Variants in NOX3 observed in about 807,000 individuals in gnomAD.
NOX3 encodes the protein NADPH oxidase catalytic subunit-like 3.
NOX3 carries 74 observed loss-of-function variants against 76.7 expected under a neutral mutation model. The observed-to-expected ratio is 0.96, with a 90% CI of 0.80 to 1.17. The LOEUF (loss-of-function observed/expected upper bound fraction) is 1.17, where lower values mean the gene tolerates loss of function less well. Ranked by LOEUF, NOX3 falls within the 50% of genes most tolerant of loss-of-function variation. NOX3 has a pLI of 0.00. For missense variants in NOX3, 695 were observed against 703.3 expected (o/e 0.99, Z 0.13); for synonymous variants, 263 against 261.1 (o/e 1.01, Z -0.07).
At chr6:155,416,909 C>T (rs534434329) in intron 10 of NOX3, among the ~76,000 whole-genome samples, 1 of 152,008 alleles carries the variant, frequency 6.6e-6, no homozygotes, top group East Asian at 1.9e-4. Flanking sequence ...TGACACCACG[C>T]CCGGCTAATT....
intron 10 of NOX3, among the ~76,000 whole-genome samples, chr6:155,414,323 A>G (rs1156460123): frequency 6.6e-6 from 1 of 152,216 alleles, no homozygotes; most frequent in African/African-American, 2.4e-5. Context: ...GACCTGGTCA[A>G]TGAGAGACCA....
intron 5 of NOX3, among the ~76,000 whole-genome samples, chr6:155,440,851 T>C (rs1332266636): frequency 1.9e-5 from 2 of 106,972 alleles, no homozygotes; most frequent in African/African-American, 3.9e-5. Flanking sequence ...AATAAACACA[T>C]TTTTTTGAGA....
At chr6:155,429,920 C>T (rs903944875) in intron 8 of NOX3, among the ~76,000 whole-genome samples, 1 of 152,186 alleles carries the variant, frequency 6.6e-6, no homozygotes, top group Non-Finnish European at 1.5e-5. Context: ...TGGTCTCCCT[C>T]GTAACAGCTC....
intron 4 of NOX3, among the ~76,000 whole-genome samples, chr6:155,450,619 G>C: frequency 6.6e-6 from 1 of 152,198 alleles, no homozygotes; most frequent in East Asian, 1.9e-4. Context: ...ACCCCTCAGA[G>C]GCTGCGCTGG....
intron 10 of NOX3, among the ~76,000 whole-genome samples, chr6:155,422,440 A>G (rs1329236629): frequency 2.0e-5 from 3 of 152,202 alleles, no homozygotes; most frequent in African/African-American, 7.2e-5. Flanking sequence ...TTTTACTGAG[A>G]TGAGCAATTA....
At chr6:155,426,657 A>G (rs1306229593) in intron 9 of NOX3, among the ~76,000 whole-genome samples, 4 of 152,108 alleles carry the variant, frequency 2.6e-5, no homozygotes, top group Non-Finnish European at 4.4e-5. Flanking sequence ...GTGTGTGTGA[A>G]CAACAAGAAA....
At chr6:155,448,314 T>C (rs1264112159) in intron 4 of NOX3, among the ~76,000 whole-genome samples, 1 of 152,170 alleles carries the variant, frequency 6.6e-6, no homozygotes, top group Non-Finnish European at 1.5e-5. Context: ...GTTTTCATGT[T>C]TCCAAAGCCA....
At chr6:155,453,558 A>G in intron 3 of NOX3, 70 bp from the exon 4 acceptor site, 5 of 1,234,378 alleles carry the variant, frequency 4.1e-6, no homozygotes, top group Non-Finnish European at 6.0e-6. Context: ...GAAAGTTAAG[A>G]GAGTAGGAAT....
chr6:155,443,501 C>T, intron 4 of NOX3, 83 bp from the exon 5 acceptor site: 6 of 1,477,464 alleles, frequency 4.1e-6, no homozygotes, highest in Non-Finnish European at 4.6e-6. Flanking sequence ...TCTCTGTGCT[C>T]AAGTTTCTCT....
At chr6:155,441,662 T>A (rs1048614891) in intron 5 of NOX3, among the ~76,000 whole-genome samples, 5 of 152,228 alleles carry the variant, frequency 3.3e-5, no homozygotes, top group Admixed American at 6.5e-5. Context: ...GCTTCTAAAA[T>A]TTTGAAATTA....
Position 155,413,144 on chromosome 6 carries a change from C to T in NOX3, c.1309-1784G>A, listed in dbSNP as rs934586907. Reference sequence around the variant, plus strand: ...AATGGATGGACATGAACCATCAATTCGTGGAGATTCATGTCCCCTCTTCAT... The same window carrying T: ...AATGGATGGACATGAACCATCAATTTGTGGAGATTCATGTCCCCTCTTCAT... On this transcript the variant is annotated intron_variant, in intron 10 of 13. Coordinates refer to ENST00000159060, the MANE Select transcript of NOX3 (RefSeq NM_015718.3). Among the ~76,000 whole-genome samples the T allele has an allele frequency of 2.6e-5, 4 of 152,026 alleles. No individual in the cohort carries two copies. In the East Asian group the frequency reaches 5.8e-4, roughly 22 times the overall value.
At chr6:155,431,878 T>C (rs1384571104) in intron 7 of NOX3, among the ~76,000 whole-genome samples, 2 of 152,192 alleles carry the variant, frequency 1.3e-5, no homozygotes, top group African/African-American at 4.8e-5. Flanking sequence ...CTACCCAGCC[T>C]GAGTTCTTAC....
chr6:155,408,144 A>T (rs2114678652), intron 11 of NOX3, among the ~76,000 whole-genome samples: 1 of 151,940 alleles, frequency 6.6e-6, no homozygotes, highest in East Asian at 1.9e-4. Context: ...ATGCTTGGCT[A>T]ATTTTTTTTG....
chr6:155,448,660 AAT>A (rs1554265031), intron 4 of NOX3, among the ~76,000 whole-genome samples: 1 of 150,914 alleles, frequency 6.6e-6, no homozygotes, highest in African/African-American at 2.5e-5. Context: ...AAAAAAAAAA[AAT>A]CATAAAGGCT....
intron 4 of NOX3, among the ~76,000 whole-genome samples, chr6:155,452,588 C>T (rs1170488210): frequency 6.6e-6 from 1 of 151,946 alleles, no homozygotes; most frequent in Non-Finnish European, 1.5e-5. Context: ...TCTGTCATGT[C>T]TTGTTGCTTA....
intron 10 of NOX3, among the ~76,000 whole-genome samples, chr6:155,421,294 G>T (rs1194309336): frequency 6.6e-6 from 1 of 152,168 alleles, no homozygotes; most frequent in African/African-American, 2.4e-5. Flanking sequence ...CTGGAAAACA[G>T]GCCTTGTGTT....
At chr6:155,439,298 A>G (rs557187395) in intron 6 of NOX3, among the ~76,000 whole-genome samples, 42 of 152,354 alleles carry the variant, frequency 2.8e-4, no homozygotes, top group Non-Finnish European at 5.1e-4. Flanking sequence ...TAATATTTAA[A>G]GGATTGAAAA....
intron 12 of NOX3, among the ~76,000 whole-genome samples, chr6:155,404,110 A>AATATAT (rs762930879): frequency 4.0e-4 from 53 of 131,256 alleles, no homozygotes; most frequent in African/African-American, 1.8e-3. Flanking sequence ...TTTATCAGTG[A>AATATAT]ATATATATAT....
chr6:155,448,550 G>T (rs1777093947), intron 4 of NOX3, among the ~76,000 whole-genome samples: 1 of 150,300 alleles, frequency 6.7e-6, no homozygotes. Flanking sequence ...ACTTTTAAGA[G>T]AGCAGCAATT....
Sources: allele counts gnomAD v4.1 joint callset (sites outside exome capture counted in the v4.1 genomes callset), GRCh38; gene constraint gnomAD v4.1.1; transcripts MANE v1.5; gene names NCBI Gene and HGNC (gene_info 2026-07-23, HGNC 2026-07-21).